Variants in SIVA1 observed in about 807,000 individuals in gnomAD.
SIVA1 encodes apoptosis regulatory protein Siva.
SIVA1 carries 10 observed loss-of-function variants against 19.7 expected under a neutral mutation model. That is an observed-to-expected ratio of 0.51 (90% CI 0.31 to 0.86). SIVA1 has a LOEUF of 0.86. SIVA1 is among the 40% of genes least tolerant of loss of function. SIVA1 has a pLI of 0.04. For missense variants in SIVA1, 241 were observed against 245.2 expected, an observed-to-expected ratio of 0.98 and a Z score of 0.11; for synonymous variants, 130 against 106.1, an observed-to-expected ratio of 1.23 and a Z score of -1.39.
rs376249415 is a variant in SIVA1 at position 104,759,513 on chromosome 14, G to A, written c.*28G>A. On this transcript the variant is annotated 3_prime_UTR_variant, in exon 4 of 4. Coordinates refer to ENST00000329967, the MANE Select transcript of SIVA1 (RefSeq NM_006427.4). The surrounding 1 kb of genome is among the most constrained non-coding windows in gnomAD (Gnocchi z 4.2). ...CTGGCTCAAGCCGGCTGCCTTCACC[G>A]GGAGCCACGCCGTGCATGGCAGCCT... 4.7e-5 allele frequency: 76 copies of A among 1,601,826 alleles called. No individual in the cohort carries two copies. Among genetic ancestry groups the A allele is most frequent in the African/African-American group, 9.4e-5 (7 of 74,800 alleles).
chr14:104,759,018 G>C lies in SIVA1; in HGVS notation c.471-410G>C, dbSNP rs1359508003. On this transcript the variant is annotated intron_variant, in intron 3 of 3. Coordinates refer to ENST00000329967, the MANE Select transcript of SIVA1 (RefSeq NM_006427.4). The surrounding 1 kb of genome is among the most constrained non-coding windows in gnomAD (Gnocchi z 4.2). ...GACCCAGTGGCATAGACAGCAAAGAGGTACTGCCACGTGGCTTTGGAGACC... is the reference window on the plus strand; with the variant it reads ...GACCCAGTGGCATAGACAGCAAAGACGTACTGCCACGTGGCTTTGGAGACC... The C allele has an allele frequency of 6.3e-6, 1 of 159,372 alleles. No homozygotes were observed. Among genetic ancestry groups the C allele is most frequent in the Non-Finnish European group, 1.4e-5 (1 of 72,810 alleles). 9.9% of individuals were successfully genotyped at this position (159,372 alleles called of 1,614,324 possible). A position where few individuals can be genotyped will look rare whatever the true frequency, so the allele number is the denominator to read the frequency against.
chr14:104,755,516 A>AGAGGGCACACAGGAG, intron 1 of SIVA1, 114 bp from the exon 2 acceptor site: 1 of 939,572 alleles, frequency 1.1e-6, no homozygotes, highest in South Asian at 1.4e-5. Context: ...ACTGGGAGAC[A>AGAGGGCACACAGGAG]GAGGGCACAC....
At chr14:104,757,953 C>T (rs1449564091) in intron 3 of SIVA1, 3 of 152,252 alleles carry the variant, frequency 2.0e-5, no homozygotes, top group African/African-American at 7.2e-5. Context: ...CCACTGTCCC[C>T]ACTGTGGACA....
chr14:104,754,510 G>A (rs1006359098), intron 1 of SIVA1, among the ~76,000 whole-genome samples: 2 of 152,208 alleles, frequency 1.3e-5, no homozygotes, highest in Admixed American at 1.3e-4. Flanking sequence ...ATGGGGCCTG[G>A]CTCAGTATGG....
At chr14:104,753,385 T>A (rs1891771565) in intron 1 of SIVA1, 66 bp downstream of exon 1, 1 of 1,131,630 alleles carries the variant, frequency 8.8e-7, no homozygotes, top group East Asian at 2.7e-5. Flanking sequence ...GGCCTCAGCG[T>A]CCCCTCTGAG....
At chr14:104,756,180 C>G (rs1378163343) in intron 2 of SIVA1, 1 of 447,040 alleles carries the variant, frequency 2.2e-6, no homozygotes, top group African/African-American at 2.0e-5. Flanking sequence ...GTTAGAAATG[C>G]AATCCCCGAC....
intron 2 of SIVA1, chr14:104,756,152 G>A: frequency 6.2e-6 from 3 of 482,386 alleles, no homozygotes; most frequent in South Asian, 4.0e-5. Flanking sequence ...GGGTCTCAGA[G>A]CATCACCTGT....
Position 104,755,755 on chromosome 14 carries a change from G to A in SIVA1, c.244G>A (p.Ala82Thr). ...KPGPTGAPRAARGQMLIGPDG... is the reference protein window; with the variant it reads ...KPGPTGAPRATRGQMLIGPDG... ...TGGCCCTACAGGGGCCCCGAGGGCTGCACGTGGGCAGATGCTGATTGGACC... is the reference window on the plus strand; with the variant it reads ...TGGCCCTACAGGGGCCCCGAGGGCTACACGTGGGCAGATGCTGATTGGACC... Residue 82 changes from alanine (A) to threonine (T), a missense_variant, in exon 2 of 4, where the codon GCA becomes ACA. Physicochemically the swap from Ala to Thr is moderately conservative, Grantham distance 58. Transcript: ENST00000329967. 6.2e-7 allele frequency: 1 copy of A among 1,614,124 alleles called. No homozygotes were observed. The highest frequency in any genetic ancestry group is 8.5e-7 in the Non-Finnish European group (1 of 1,180,018).
intron 1 of SIVA1, 60 bp from the exon 2 acceptor site, chr14:104,755,570 C>A: frequency 7.0e-7 from 1 of 1,436,886 alleles, no homozygotes; most frequent in Non-Finnish European, 9.7e-7. Context: ...GACTCAATGG[C>A]CATGCAGGGG....
At chr14:104,756,322 C>T in intron 2 of SIVA1, 1 of 531,412 alleles carries the variant, frequency 1.9e-6, no homozygotes, top group South Asian at 2.1e-5. Flanking sequence ...AAGAATGGTC[C>T]TTCCAGCACT....
intron 3 of SIVA1, chr14:104,757,287 TG>T: frequency 2.3e-6 from 1 of 442,960 alleles, no homozygotes; most frequent in South Asian, 1.6e-5. Context: ...GCTACTCACC[TG>T]GTGGATGGGA....
Position 104,753,315 on chromosome 14 carries a change from C to A in SIVA1, c.114C>A (p.Val38=). The A allele has an allele frequency of 6.3e-7, 1 of 1,593,714 alleles. No homozygotes were observed. Residue 38 remains valine (V), a synonymous_variant, in exon 1 of 4, where the codon GTC becomes GTA. Transcript: ENST00000329967. ...GVCAERYSQE[V]FEKTKRLLFL... is the part of the protein sequence containing the mutation. ...GCGCCGAGCGCTACTCGCAGGAGGT[C>A]TTCGGTGAGTGTCGGGCGGGCTGCC...
Position 104,753,262 on chromosome 14 carries a change from A to C in SIVA1, c.61A>C (p.Ser21Arg). The C allele has an allele frequency of 6.2e-7, 1 of 1,601,056 alleles. No homozygotes were observed. ...CCCGCTACAGCTCAAGGTCCGCGTG[A>C]GCCAGAGGGAGTTGAGCCGCGGCGT... ...VAPLQLKVRVSQRELSRGVCA... is the reference protein window; with the variant it reads ...VAPLQLKVRVRQRELSRGVCA... The change falls in exon 1 of 4, where the codon AGC (serine) becomes CGC (arginine). Residue 21 changes from serine to arginine, a missense_variant. Coordinates refer to ENST00000329967, the MANE Select transcript of SIVA1 (RefSeq NM_006427.4).
In SIVA1 at chr14:104,753,188, C is replaced by G. The variant is rs888792498; in HGVS notation, c.-14C>G. The stretch of plus-strand genomic sequence containing the variant: ...TGGCGGCCGGGGAGCTGCGTAGCTC[C>G]CGGCCCCGCGGCCATGCCCAAGCGG... On this transcript the variant is annotated 5_prime_UTR_variant, in exon 1 of 4. Transcript: ENST00000329967. The G allele has an allele frequency of 7.1e-6, 11 of 1,542,158 alleles. No homozygotes were observed. The highest frequency in any genetic ancestry group is 7.9e-6 in the Non-Finnish European group (9 of 1,140,430).
Position 104,756,713 on chromosome 14 carries a change from C to G in SIVA1, c.423C>G (p.Thr141=). The stretch of plus-strand genomic sequence containing the variant: ...CCCTGTGCGGGCAGTGTGTGCGCAC[C>G]TGCTGGGGCTGCGGCTCCGTGGCCT... ...ERALCGQCVR[T]CWGCGSVACT... Residue 141 remains threonine (T), a synonymous_variant, in exon 3 of 4, where the codon ACC becomes ACG. Transcript: ENST00000329967. 1 of 1,614,028 alleles carries G rather than the reference C, an allele frequency of 6.2e-7. No individual in the cohort carries two copies. The highest frequency in any genetic ancestry group is 1.1e-5 in the South Asian group (1 of 91,052).
At chr14:104,757,076 T>TC (rs1467558262) in intron 3 of SIVA1, 43 of 402,920 alleles carry the variant, frequency 1.1e-4, no homozygotes, top group Non-Finnish European at 1.7e-4. Context: ...GAGCCCCCCC[T>TC]CCCCCCGTCC....
rs1891901731 is a variant in SIVA1 at position 104,756,688 on chromosome 14, C to T, written c.398C>T (p.Ala133Val). ...GKAVCGQCER[A>V]LCGQCVRTCW... ...GCGGTCTGCGGTCAGTGTGAGCGAG[C>T]CCTGTGCGGGCAGTGTGTGCGCACC... Residue 133 changes from alanine to valine, a missense_variant, in exon 3 of 4, where the codon GCC becomes GTC. Coordinates refer to ENST00000329967, the MANE Select transcript of SIVA1 (RefSeq NM_006427.4). 1 of 1,614,190 alleles carries T rather than the reference C, an allele frequency of 6.2e-7. No homozygotes were observed. The highest frequency in any genetic ancestry group is 1.1e-5 in the South Asian group (1 of 91,082).
chr14:104,753,958 T>G, intron 1 of SIVA1: 1 of 308,610 alleles, frequency 3.2e-6, no homozygotes, highest in Non-Finnish European at 6.9e-6. Flanking sequence ...CGGAATCCTG[T>G]GGGGGCGAGT....
chr14:104,756,609 T>C lies in SIVA1; in HGVS notation c.319T>C (p.Ser107Pro). 1.2e-6 allele frequency: 2 copies of C among 1,614,164 alleles called. No individual in the cohort carries two copies. Among genetic ancestry groups the C allele is most frequent in the Non-Finnish European group, 1.7e-6 (2 of 1,180,028 alleles). The change falls in exon 3 of 4, where the codon TCT becomes CCT. Residue 107 changes from serine to proline, a missense_variant. Coordinates refer to ENST00000329967, the MANE Select transcript of SIVA1 (RefSeq NM_006427.4). ...TTGGCGTTTCTTCCTCACAGACCCA[T>C]CTGGGGTAGCGTCCATTGCCTGTTC... ...SLGQASEADPSGVASIACSSC... is the reference protein window; with the variant it reads ...SLGQASEADPPGVASIACSSC...
Sources: gnomAD v4.1 joint callset for allele counts (sites outside exome capture counted in the v4.1 genomes callset) on GRCh38, gnomAD v4.1.1 for gene constraint, Gnocchi (gnomAD v3.1) non-coding constraint, MANE v1.5 for transcripts, NCBI Gene and HGNC (gene_info 2026-07-23, HGNC 2026-07-21) for gene names.